Variants in GFOD1 observed in about 807,000 individuals in gnomAD.
The protein encoded by GFOD1 is glucose-fructose oxidoreductase domain-containing protein 1.
A neutral mutation model predicts 25.4 loss-of-function variants in GFOD1; 9 were observed. The observed-to-expected ratio is 0.35, with a 90% CI of 0.21 to 0.62. GFOD1 has a LOEUF of 0.62. Ranked by LOEUF, GFOD1 falls within the 20% of genes least tolerant of loss-of-function variation. The probability of loss-of-function intolerance (pLI) is 0.72; values close to 1 mark genes in which losing one functional copy is unlikely to be tolerated. For synonymous variants in GFOD1, 253 were observed against 245.6 expected (o/e 1.03, Z -0.28); for missense variants, 403 against 556.9 (o/e 0.72, Z 2.78).
At chr6:13,398,804 C>T (rs1247495192) in intron 1 of GFOD1, among the ~76,000 whole-genome samples, 1 of 152,166 alleles carries the variant, frequency 6.6e-6, no homozygotes, top group African/African-American at 2.4e-5. Flanking sequence ...ATGGCCACCA[C>T]GGGGCAGCAT....
Position 13,459,185 on chromosome 6 carries a change from A to G in GFOD1, c.253+27453T>C, listed in dbSNP as rs757309415. Among the ~76,000 whole-genome samples, 91 of 152,184 alleles carry G rather than the reference A, an allele frequency of 6.0e-4. 1 individual carries two copies. Among genetic ancestry groups the G allele is most frequent in the Non-Finnish European group, 1.1e-3 (78 of 68,012 alleles). On this transcript the variant is annotated intron_variant, in intron 1 of 1. Transcript: ENST00000379287. The stretch of plus-strand genomic sequence containing the variant: ...CATAGACCAATGGAACAGAATAGAG[A>G]TCTCAGAAATAAGACCACACATTTC...
In GFOD1 at chr6:13,365,063, C is replaced by G. The variant is rs1388345918; in HGVS notation, c.853G>C (p.Val285Leu). ...QELLVQDATPVSNSLLPEKAF... is the reference protein window; with the variant it reads ...QELLVQDATPLSNSLLPEKAF... ...TTCTCCGGAAGCAGGGAGTTGCTCA[C>G]CGGCGTGGCGTCCTGCACCAGCAGC... is the stretch of plus-strand genomic sequence containing the variant. The change falls in exon 2 of 2, where the codon GTG becomes CTG. Residue 285 changes from valine (V) to leucine (L), a missense_variant. Val to Leu is a conservative substitution (Grantham distance 32). Coordinates refer to ENST00000379287, the MANE Select transcript of GFOD1 (RefSeq NM_018988.4). The surrounding 1 kb of genome is among the most constrained non-coding windows in gnomAD (Gnocchi z 9.2). 1.9e-6 allele frequency: 3 copies of G among 1,611,300 alleles called. No homozygotes were observed. The highest frequency in any genetic ancestry group is 3.3e-5 in the Admixed American group (2 of 60,020).
chr6:13,426,337 G>A lies in GFOD1; in HGVS notation c.253+60301C>T, dbSNP rs139136823. Among the ~76,000 whole-genome samples the A allele has an allele frequency of 1.9e-3, 285 of 152,316 alleles. 1 individual carries two copies. Among genetic ancestry groups the A allele is most frequent in the African/African-American group, 6.3e-3 (260 of 41,574 alleles). The stretch of plus-strand genomic sequence containing the variant: ...GAGCCAGGAAGCCACAGAAACAGGC[G>A]TCAATGGGGCTTGGTGTCCCACACA... On this transcript the variant is annotated intron_variant, in intron 1 of 1. Coordinates refer to ENST00000379287, the MANE Select transcript of GFOD1 (RefSeq NM_018988.4).
intron 1 of GFOD1, among the ~76,000 whole-genome samples, chr6:13,370,809 T>C (rs976702988): frequency 6.6e-6 from 1 of 152,156 alleles, no homozygotes; most frequent in African/African-American, 2.4e-5. Flanking sequence ...AAAGGGAACT[T>C]GCATTGTCTG....
chr6:13,432,672 T>C (rs1341531787), intron 1 of GFOD1, among the ~76,000 whole-genome samples: 1 of 152,154 alleles, frequency 6.6e-6, no homozygotes, highest in Non-Finnish European at 1.5e-5. Flanking sequence ...TACCTTGCTG[T>C]TATCACAACA....
chr6:13,377,661 C>T (rs1208653858), intron 1 of GFOD1, among the ~76,000 whole-genome samples: 2 of 152,078 alleles, frequency 1.3e-5, no homozygotes, highest in Non-Finnish European at 2.9e-5. Context: ...CCCTTTTTGC[C>T]GTAGAACTAA....
chr6:13,416,300 A>C (rs977812815), intron 1 of GFOD1, among the ~76,000 whole-genome samples: 1 of 152,218 alleles, frequency 6.6e-6, no homozygotes, highest in Non-Finnish European at 1.5e-5. Context: ...GCTTTATAGC[A>C]GTGTGAAAAT....
At chr6:13,486,258 C>CAAA (rs1491182738) in intron 1 of GFOD1, 2 of 247,580 alleles carry the variant, frequency 8.1e-6, no homozygotes, top group Non-Finnish European at 1.1e-5. Context: ...CCCCCCCCCC[C>CAAA]ACACACACAC....
intron 1 of GFOD1, chr6:13,470,637 G>C (rs1012565490): frequency 2.1e-6 from 3 of 1,461,496 alleles, no homozygotes; most frequent in Non-Finnish European, 2.7e-6. Flanking sequence ...GGTTCTGTTG[G>C]AAAGGGAGAA....
intron 1 of GFOD1, among the ~76,000 whole-genome samples, chr6:13,393,368 CAAAAAAAAAA>C (rs70989853): frequency 4.1e-5 from 3 of 72,490 alleles, no homozygotes; most frequent in Admixed American, 3.6e-4. Context: ...AAACAACCAC[CAAAAAAAAAA>C]AAAAAAAAAA....
At chr6:13,433,488 C>G (rs1757784975) in intron 1 of GFOD1, among the ~76,000 whole-genome samples, 1 of 152,138 alleles carries the variant, frequency 6.6e-6, no homozygotes, top group Admixed American at 6.5e-5. Flanking sequence ...GCATTCCTGG[C>G]CTCTACTCCT....
chr6:13,475,602 C>T (rs934525750), intron 1 of GFOD1, among the ~76,000 whole-genome samples: 3 of 151,568 alleles, frequency 2.0e-5, no homozygotes, highest in Admixed American at 2.0e-4. Context: ...CCTGTAATCT[C>T]AGCTACTCAG....
At chr6:13,409,140 A>G (rs11755657) in intron 1 of GFOD1, among the ~76,000 whole-genome samples, 11,123 of 49,036 alleles carry the variant, frequency 0.23, 2,631 homozygotes, top group Non-Finnish European at 0.4. Flanking sequence ...AAAGAAAGAA[A>G]GAAAGAAAGA....
At chr6:13,368,493 C>T (rs1321006372) in intron 1 of GFOD1, among the ~76,000 whole-genome samples, 1 of 152,258 alleles carries the variant, frequency 6.6e-6, no homozygotes, top group South Asian at 2.1e-4. Context: ...GCTCATGCTA[C>T]CAGGAACAGA....
intron 1 of GFOD1, among the ~76,000 whole-genome samples, chr6:13,435,366 C>T (rs1757818175): frequency 6.6e-6 from 1 of 152,156 alleles, no homozygotes; most frequent in Non-Finnish European, 1.5e-5. Flanking sequence ...TCATACTCTC[C>T]TCTCAAATAA....
intron 1 of GFOD1, among the ~76,000 whole-genome samples, chr6:13,410,623 A>G (rs993600224): frequency 8.1e-5 from 12 of 148,716 alleles, no homozygotes; most frequent in Non-Finnish European, 1.0e-4. Context: ...AGGAAGGAAG[A>G]AAGGAAGAAA....
intron 1 of GFOD1, among the ~76,000 whole-genome samples, chr6:13,386,900 G>T (rs1164029604): frequency 6.6e-6 from 1 of 152,122 alleles, no homozygotes; most frequent in South Asian, 2.1e-4. Flanking sequence ...ACAGAAGCTA[G>T]GGTCAAGAAG....
At chr6:13,396,434 C>T (rs954783675) in intron 1 of GFOD1, among the ~76,000 whole-genome samples, 1 of 152,222 alleles carries the variant, frequency 6.6e-6, no homozygotes, top group Non-Finnish European at 1.5e-5. Flanking sequence ...CCCATAGCAT[C>T]ATCACCTACA....
rs546827413 is a variant in GFOD1 at position 13,374,074 on chromosome 6, C to T, written c.254-8412G>A. 2.6e-5 allele frequency among the ~76,000 whole-genome samples: 4 copies of T among 152,168 alleles called. No homozygotes were observed. The East Asian group carries it at 7.7e-4, about 29-fold the overall frequency. Reference sequence around the variant, plus strand: ...GCCAGAGGAGGCACAATGTATTTTGCATGCATTTTCATGTTTTAGTCTACA... The same window carrying T: ...GCCAGAGGAGGCACAATGTATTTTGTATGCATTTTCATGTTTTAGTCTACA... On this transcript the variant is annotated intron_variant, in intron 1 of 1. Transcript: ENST00000379287.
Sources: allele counts gnomAD v4.1 joint callset (sites outside exome capture counted in the v4.1 genomes callset), GRCh38; gene constraint gnomAD v4.1.1; non-coding constraint Gnocchi (gnomAD v3.1); transcripts MANE v1.5; gene names NCBI Gene and HGNC (gene_info 2026-07-23, HGNC 2026-07-21).